The following BEND3 variants were observed in gnomAD, a reference collection of about 807,000 sequenced individuals.
The protein encoded by BEND3 is BEN domain-containing protein 3.
Under a neutral mutation model 60.1 loss-of-function variants are expected in BEND3, and 13 were observed. The observed-to-expected ratio is 0.22, with a 90% CI of 0.14 to 0.34. BEND3 has a LOEUF of 0.34. Ranked by LOEUF, BEND3 falls within the 10% of genes least tolerant of loss-of-function variation. The pLI is 1.00. For missense variants in BEND3, 896 were observed against 1,138.1 expected, an observed-to-expected ratio of 0.79 and a Z score of 3.06; for synonymous variants, 497 against 491.5, an observed-to-expected ratio of 1.01 and a Z score of -0.15.
At chr6:107,111,094 G>A (rs1386662147) in intron 1 of BEND3, among the ~76,000 whole-genome samples, 1 of 152,152 alleles carries the variant, frequency 6.6e-6, no homozygotes, top group African/African-American at 2.4e-5. Context: ...GAGCCCGGGA[G>A]TCAGTGGTTG....
Position 107,068,487 on chromosome 6 carries a change from C to T in BEND3, c.*217G>A. The stretch of plus-strand genomic sequence containing the variant: ...ACACTCAGGCTGCCCCGCCGGGGCA[C>T]ATAGGACAGAAGTTGTAAGTACAAG... On this transcript the variant is annotated 3_prime_UTR_variant, in exon 4 of 4. Transcript: ENST00000369042. This position sits in a 1 kb window ranked among gnomAD's most constrained non-coding sequence, Gnocchi z 5.8. 1.8e-6 allele frequency: 1 copy of T among 569,072 alleles called. No individual in the cohort carries two copies. Among genetic ancestry groups the T allele is most frequent in the Non-Finnish European group, 3.0e-6 (1 of 330,706 alleles). 35.3% of individuals were successfully genotyped at this position (569,072 alleles called of 1,614,324 possible). A position where few individuals can be genotyped will look rare whatever the true frequency, so the allele number is the denominator to read the frequency against.
chr6:107,080,724 A>G (rs1183857243), intron 3 of BEND3, among the ~76,000 whole-genome samples: 1 of 151,916 alleles, frequency 6.6e-6, no homozygotes, highest in Admixed American at 6.6e-5. Flanking sequence ...TCTAATAAAA[A>G]TACAAAAAAA....
At chr6:107,090,791 A>G (rs1307648873) in intron 3 of BEND3, among the ~76,000 whole-genome samples, 1 of 152,130 alleles carries the variant, frequency 6.6e-6, no homozygotes, top group East Asian at 1.9e-4. Context: ...ATATTTAAGA[A>G]AAAAGTATAA....
At chr6:107,097,336 C>T (rs1366582589) in intron 3 of BEND3, among the ~76,000 whole-genome samples, 1 of 150,986 alleles carries the variant, frequency 6.6e-6, no homozygotes, top group Non-Finnish European at 1.5e-5. Context: ...CATTGCACTC[C>T]AGCCTGGGCA....
At position 107,115,075 on chromosome 6, in the gene BEND3, C is replaced by G. The variant is rs1422971173; in HGVS notation, c.-12+15G>C. The G allele has an allele frequency of 2.7e-5, 4 of 149,712 alleles. No homozygotes were observed. Among genetic ancestry groups the G allele is most frequent in the Non-Finnish European group, 6.0e-5 (4 of 67,154 alleles). The allele number at this position is 149,712 out of a possible 1,614,324, so 9.3% of individuals were successfully genotyped here. A position where few individuals can be genotyped will look rare whatever the true frequency, so the allele number is the denominator to read the frequency against. ...GCCGCCGCCGCGCGGCCGGCTTGAT[C>G]CGCCCCGCACTTACCTGGGACGCGA... On this transcript the variant is annotated intron_variant, in intron 1 of 3. Transcript: ENST00000369042.
intron 1 of BEND3, among the ~76,000 whole-genome samples, chr6:107,105,665 C>A (rs151058559): frequency 6.6e-6 from 1 of 152,120 alleles, no homozygotes; most frequent in Non-Finnish European, 1.5e-5. Context: ...ACAGGACAAG[C>A]GGCAGGCCCA....
In BEND3 at chr6:107,070,681, G is replaced by A. The variant is rs778577072; in HGVS notation, c.510C>T (p.Leu170=). ...AGTCCCGCTTCTGTGGCTCATTCAGGAGCCGCAGTGACGAGGGGCTGTTGC... is the reference window on the plus strand; with the variant it reads ...AGTCCCGCTTCTGTGGCTCATTCAGAAGCCGCAGTGACGAGGGGCTGTTGC... The part of the protein sequence containing the change: ...NASNSPSSLR[L]LNEPQKRDCG... The change falls in exon 4 of 4, where the codon CTC becomes CTT. Residue 170 remains leucine, a synonymous_variant. Transcript: ENST00000369042. This position sits in a 1 kb window ranked among gnomAD's most constrained non-coding sequence, Gnocchi z 6.9. 294 of 1,612,924 alleles carry A rather than the reference G, an allele frequency of 1.8e-4. 3 individuals are homozygous for A. Among genetic ancestry groups the A allele is most frequent in the Middle Eastern group, 1.9e-4 (1 of 5,180 alleles).
chr6:107,101,643 G>A (rs144063763), intron 1 of BEND3, among the ~76,000 whole-genome samples: 31 of 152,276 alleles, frequency 2.0e-4, no homozygotes, highest in Admixed American at 5.2e-4. Flanking sequence ...TCAAGGGTCC[G>A]AGAACTATTT....
rs1043289826 is a variant in BEND3, at chr6:107,104,363, C to T, written c.-11-5067G>A. The stretch of plus-strand genomic sequence containing the variant: ...GGAAAGAGTTACACACTACAGGACA[C>T]TTCATCTTTTTAGTGTTCATTTTAA... On this transcript the variant is annotated intron_variant, in intron 1 of 3. Coordinates refer to ENST00000369042, the MANE Select transcript of BEND3 (RefSeq NM_001367314.1). Among the ~76,000 whole-genome samples the T allele has an allele frequency of 4.0e-5, 6 of 151,014 alleles. No homozygotes were observed. In the East Asian group the frequency reaches 1.2e-3, roughly 29 times the overall value.
intron 1 of BEND3, among the ~76,000 whole-genome samples, chr6:107,103,486 T>G (rs1554236959): frequency 1.3e-5 from 2 of 152,250 alleles, no homozygotes; most frequent in Non-Finnish European, 2.9e-5. Flanking sequence ...TCTGGAGAAC[T>G]TCTCATTCTG....
intron 1 of BEND3, among the ~76,000 whole-genome samples, chr6:107,111,912 A>ATGGAT (rs1369230471): frequency 6.6e-6 from 1 of 150,990 alleles, no homozygotes; most frequent in Non-Finnish European, 1.5e-5. Context: ...AACCCAGGAG[A>ATGGAT]TGGATGTTGC....
At chr6:107,102,359 G>A (rs544755234) in intron 1 of BEND3, among the ~76,000 whole-genome samples, 2 of 152,238 alleles carry the variant, frequency 1.3e-5, no homozygotes, top group Admixed American at 1.3e-4. Context: ...GTTGGAAGGA[G>A]GCTATTTTCT....
At chr6:107,078,766 C>T (rs1665912) in intron 3 of BEND3, among the ~76,000 whole-genome samples, 57,267 of 149,362 alleles carry the variant, frequency 0.38, 10,929 homozygotes, top group East Asian at 0.45. Flanking sequence ...GGCGATCTGC[C>T]CCTCGTCTGA....
Position 107,065,192 on chromosome 6 carries a change from T to C in BEND3, c.*3512A>G, listed in dbSNP as rs574694090. On this transcript the variant is annotated 3_prime_UTR_variant, in exon 4 of 4. Transcript: ENST00000369042. ...TGTTACGAGACCATGTTTTTCTATT[T>C]TTATAACATTTTATATAACTCATAA... 17 of 152,728 alleles carry C rather than the reference T, an allele frequency of 1.1e-4. No homozygotes were observed. The highest frequency in any genetic ancestry group is 3.8e-4 in the African/African-American group (16 of 41,572). The allele number at this position is 152,728 out of a possible 1,614,324, so 9.5% of individuals were successfully genotyped here.
chr6:107,097,815 AC>A (rs1775619754), intron 3 of BEND3, among the ~76,000 whole-genome samples: 48 of 148,216 alleles, frequency 3.2e-4, no homozygotes, highest in African/African-American at 9.5e-4. Flanking sequence ...AAAAAAAAAA[AC>A]CCCAACAAAC....
Position 107,069,239 on chromosome 6 carries a change from C to A in BEND3, c.1952G>T (p.Arg651Met). ...ERCRRRDTEQRRSYQQQRKVH... is the reference protein window; with the variant it reads ...ERCRRRDTEQMRSYQQQRKVH... ...CTTGCGCTGCTGCTGGTAGGAGCGC[C>A]TTTGCTCCGTGTCCCGGCGCCGGCA... Residue 651 changes from arginine (R) to methionine (M), a missense_variant, in exon 4 of 4, where the codon AGG (arginine) becomes ATG (methionine). This residue lies in a region of BEND3 where 846 missense variants were observed against 1,036.7 expected (regional missense o/e 0.82). Coordinates refer to ENST00000369042, the MANE Select transcript of BEND3 (RefSeq NM_001367314.1). 6.2e-7 allele frequency: 1 copy of A among 1,612,030 alleles called. No homozygotes were observed. The highest frequency in any genetic ancestry group is 8.5e-7 in the Non-Finnish European group (1 of 1,179,588).
chr6:107,090,655 TG>T (rs1429824585), intron 3 of BEND3, among the ~76,000 whole-genome samples: 3 of 152,126 alleles, frequency 2.0e-5, no homozygotes, highest in African/African-American at 7.2e-5. Context: ...GGGAGGAATT[TG>T]GACTCTTTTG....
chr6:107,114,794 G>A (rs1244728135), intron 1 of BEND3, among the ~76,000 whole-genome samples: 17 of 146,346 alleles, frequency 1.2e-4, no homozygotes, highest in Non-Finnish European at 2.3e-4. Flanking sequence ...CCCGCGCGGC[G>A]CGCGTGCTCC....
In BEND3 at chr6:107,082,681, A is replaced by C. The variant is rs1172062729; in HGVS notation, c.241-11731T>G. On this transcript the variant is annotated intron_variant, in intron 3 of 3. Transcript: ENST00000369042. ...TGACCTCAGGTGATCCGCTTGCCTCAGCCTCCCAAAGTGCTGGGATTACAG... is the reference window on the plus strand; with the variant it reads ...TGACCTCAGGTGATCCGCTTGCCTCCGCCTCCCAAAGTGCTGGGATTACAG... 5.3e-5 allele frequency among the ~76,000 whole-genome samples: 8 copies of C among 152,256 alleles called. No individual in the cohort carries two copies. In the East Asian group the frequency reaches 1.4e-3, roughly 26 times the overall value.
Sources: allele counts gnomAD v4.1 joint callset (sites outside exome capture counted in the v4.1 genomes callset), GRCh38; gene constraint gnomAD v4.1.1; regional missense constraint gnomAD v4.1.1; non-coding constraint Gnocchi (gnomAD v3.1); transcripts MANE v1.5; gene names NCBI Gene and HGNC (gene_info 2026-07-23, HGNC 2026-07-21).